Variants in GLIS3 observed in about 807,000 individuals in gnomAD.
The protein encoded by GLIS3 is GLIS family zinc finger 3.
A neutral mutation model predicts 78.6 loss-of-function variants in GLIS3; 53 were observed. The ratio of observed to expected loss-of-function variants is 0.67; its 90% CI spans 0.54 to 0.85. The LOEUF is 0.85. Ranked by LOEUF, GLIS3 falls within the 40% of genes least tolerant of loss-of-function variation. GLIS3 has a pLI of 0.00. For missense variants in GLIS3, 1,703 were observed against 1,231.1 expected, an observed-to-expected ratio of 1.38 and a Z score of -5.74; for synonymous variants, 684 against 509.9, an observed-to-expected ratio of 1.34 and a Z score of -4.60.
rs138739615 is a variant in GLIS3, at chr9:4,272,738, G to C, written c.388+13300C>G. Among the ~76,000 whole-genome samples the C allele has an allele frequency of 9.9e-5, 15 of 152,212 alleles. No homozygotes were observed. In the East Asian group the frequency reaches 2.5e-3, roughly 25 times the overall value. On this transcript the variant is annotated intron_variant, in intron 2 of 10. Transcript: ENST00000381971. The stretch of plus-strand genomic sequence containing the variant: ...GTAATTTTGCTATTAACTTATATGA[G>C]GCTAATCCTTTCAAGTAGGTTGAAT...
intron 2 of GLIS3, among the ~76,000 whole-genome samples, chr9:4,171,616 T>G (rs1816382920): frequency 6.6e-6 from 1 of 152,218 alleles, no homozygotes; most frequent in African/African-American, 2.4e-5. Context: ...CTTACATCAT[T>G]TAGTGTGACC....
intron 2 of GLIS3, among the ~76,000 whole-genome samples, chr9:4,166,527 C>T (rs535404718): frequency 3.3e-5 from 5 of 152,216 alleles, no homozygotes; most frequent in African/African-American, 9.6e-5. Context: ...TGAAAGAGAA[C>T]TGCACTAATG....
chr9:4,034,217 G>A (rs1824121090), intron 4 of GLIS3, among the ~76,000 whole-genome samples: 1 of 151,842 alleles, frequency 6.6e-6, no homozygotes, highest in Admixed American at 6.6e-5. Flanking sequence ...GTAGCACCTT[G>A]TCTCAAAAAA....
intron 2 of GLIS3, among the ~76,000 whole-genome samples, chr9:4,311,782 G>A (rs764156507): frequency 5.9e-5 from 9 of 152,230 alleles, no homozygotes; most frequent in Non-Finnish European, 1.3e-4. Context: ...AGCAGTGGTC[G>A]TCTGACAGGA....
At chr9:4,437,420 GTATCTATCTATCTATCTATCTATC>G in the GLIS3 span, among the ~76,000 whole-genome samples, 1 of 126,928 alleles carries the variant, frequency 7.9e-6, no homozygotes, top group Non-Finnish European at 1.8e-5. Flanking sequence ...ATGTATGTAT[GTATCTATCTATCTATCTATCTATC>G]TATCTATCTA....
chr9:4,161,652 T>TC (rs1258307217), intron 2 of GLIS3, among the ~76,000 whole-genome samples: 1 of 145,824 alleles, frequency 6.9e-6, no homozygotes, highest in Non-Finnish European at 1.5e-5. Context: ...TTTTCTTCTC[T>TC]CCAAGTTCTG....
chr9:4,160,436 C>T (rs1232673891), intron 2 of GLIS3, among the ~76,000 whole-genome samples: 2 of 152,222 alleles, frequency 1.3e-5, no homozygotes, highest in African/African-American at 4.8e-5. Context: ...CTTATTTTGT[C>T]AGAAAGTACA....
chr9:4,320,076 G>C (rs1345940787), intron 2 of GLIS3, among the ~76,000 whole-genome samples: 1 of 151,752 alleles, frequency 6.6e-6, no homozygotes, highest in Non-Finnish European at 1.5e-5. Context: ...TAAAAATCAT[G>C]ATTTTCAGCT....
chr9:4,401,666 C>G, the GLIS3 span, among the ~76,000 whole-genome samples: 1 of 151,598 alleles, frequency 6.6e-6, no homozygotes, highest in African/African-American at 2.4e-5. Context: ...CTCCTGGGTT[C>G]AAGCGATTCT....
intron 6 of GLIS3, among the ~76,000 whole-genome samples, chr9:3,905,713 A>T (rs1166696204): frequency 6.6e-6 from 1 of 152,092 alleles, no homozygotes; most frequent in Admixed American, 6.5e-5. Flanking sequence ...TCTGATCCTG[A>T]ATGAGATGAT....
At chr9:4,364,669 T>C in the GLIS3 span, among the ~76,000 whole-genome samples, 1 of 149,992 alleles carries the variant, frequency 6.7e-6, no homozygotes, top group East Asian at 1.9e-4. Flanking sequence ...GATGAGATAA[T>C]GCTTATCTTT....
intron 4 of GLIS3, among the ~76,000 whole-genome samples, chr9:4,097,228 A>T (rs920101349): frequency 6.6e-6 from 1 of 152,152 alleles, no homozygotes; most frequent in African/African-American, 2.4e-5. Flanking sequence ...CAGAGAACTG[A>T]TATTGCCTCT....
At position 4,335,519 on chromosome 9, in the gene GLIS3, C is replaced by A. The variant is rs1035779171; in HGVS notation, n.264+11562G>T. 3.3e-5 allele frequency among the ~76,000 whole-genome samples: 5 copies of A among 152,174 alleles called. No individual in the cohort carries two copies. In the East Asian group the frequency reaches 5.8e-4, roughly 18 times the overall value. On this transcript the variant is annotated intron_variant and non_coding_transcript_variant, in intron 2 of 4. Coordinates refer to the GLIS3 transcript ENST00000471664. ...GCTCCACGTGCTTTCCTGTGCAAAG[C>A]CTTCAAGTGTGAAAAACAGGCAGAA... is the stretch of plus-strand genomic sequence containing the variant.
chr9:3,956,028 C>CAAAAAAAAAAAAAAAAAAAAA (rs5896037), intron 4 of GLIS3, among the ~76,000 whole-genome samples: 2 of 87,630 alleles, frequency 2.3e-5, no homozygotes, highest in African/African-American at 4.1e-5. Context: ...CCAGATTCAG[C>CAAAAAAAAAAAAAAAAAAAAA]AAAAAAAAAA....
chr9:4,323,729 T>C (rs1817568043), intron 2 of GLIS3, among the ~76,000 whole-genome samples: 1 of 152,208 alleles, frequency 6.6e-6, no homozygotes, highest in Admixed American at 6.5e-5. Context: ...GGATCTGTCT[T>C]CTCCACTTGA....
the GLIS3 span, among the ~76,000 whole-genome samples, chr9:4,467,319 G>T: frequency 3.9e-3 from 599 of 152,288 alleles, 10 homozygotes; most frequent in East Asian, 0.062. Flanking sequence ...ATCTGAGAAC[G>T]GACAGACTGC....
chr9:3,885,318 A>G (rs1032519432), intron 7 of GLIS3, among the ~76,000 whole-genome samples: 2 of 152,200 alleles, frequency 1.3e-5, no homozygotes, highest in African/African-American at 2.4e-5. Flanking sequence ...GTTGTCAATA[A>G]TGCACCAAGG....
At chr9:4,289,866 C>G (rs1828305163) in intron 1 of GLIS3, among the ~76,000 whole-genome samples, 1 of 152,134 alleles carries the variant, frequency 6.6e-6, no homozygotes, top group South Asian at 2.1e-4. Flanking sequence ...GAACACACTT[C>G]TGTAAATCAG....
chr9:4,274,240 A>T (rs938227984), intron 2 of GLIS3, among the ~76,000 whole-genome samples: 1 of 152,236 alleles, frequency 6.6e-6, no homozygotes, highest in Admixed American at 6.5e-5. Context: ...TTGCAAGGTC[A>T]GTTACATAAT....
Sources: allele counts gnomAD v4.1 joint callset (sites outside exome capture counted in the v4.1 genomes callset), GRCh38; gene constraint gnomAD v4.1.1; transcripts MANE v1.5; gene names NCBI Gene and HGNC (gene_info 2026-07-23, HGNC 2026-07-21).